The following TMOD1 variants were observed in gnomAD, a reference collection of about 807,000 sequenced individuals.
TMOD1 encodes tropomodulin-1.
TMOD1 carries 17 observed loss-of-function variants against 40.6 expected under a neutral mutation model. The ratio of observed to expected loss-of-function variants is 0.42; its 90% CI spans 0.29 to 0.63. TMOD1 has a LOEUF of 0.63. Ranked by LOEUF, TMOD1 falls within the 20% of genes least tolerant of loss-of-function variation. The pLI is 0.22. For missense variants in TMOD1, 391 were observed against 447.6 expected (o/e 0.87, Z 1.14); for synonymous variants, 181 against 175.0 (o/e 1.03, Z -0.27).
intron 1 of TMOD1, 32 bp from the exon 2 acceptor site, chr9:97,524,109 G>A (rs1028851121): frequency 3.2e-5 from 48 of 1,505,172 alleles, no homozygotes; most frequent in East Asian, 4.6e-5. Flanking sequence ...AATCTGAGAC[G>A]GGTCTTTCTA....
At chr9:97,597,390 C>T (rs1184276444) in intron 9 of TMOD1, among the ~76,000 whole-genome samples, 1 of 152,140 alleles carries the variant, frequency 6.6e-6, no homozygotes, top group Non-Finnish European at 1.5e-5. Context: ...TCTCTCCATC[C>T]AGTCCCTGAA....
chr9:97,557,470 T>G lies in TMOD1; in HGVS notation c.397+4070T>G, dbSNP rs61369875. Among the ~76,000 whole-genome samples, 1 of 152,306 alleles carries G rather than the reference T, an allele frequency of 6.6e-6. No homozygotes were observed. Among genetic ancestry groups the G allele is most frequent in the African/African-American group, 2.4e-5 (1 of 41,576 alleles). On this transcript the variant is annotated intron_variant, in intron 4 of 9. Transcript: ENST00000259365. This position sits in a 1 kb window ranked among gnomAD's most constrained non-coding sequence, Gnocchi z 4.4. ...CGGGCCACTCACCCCCAAGGGCAGTTGGCAACCTGGGGGTCTTGCAGCTAT... is the reference window on the plus strand; with the variant it reads ...CGGGCCACTCACCCCCAAGGGCAGTGGGCAACCTGGGGGTCTTGCAGCTAT...
intron 8 of TMOD1, among the ~76,000 whole-genome samples, chr9:97,586,777 G>A (rs1317404076): frequency 3.3e-5 from 5 of 151,476 alleles, no homozygotes; most frequent in South Asian, 2.1e-4. Context: ...TCCAGGTGCC[G>A]TCCGTCACCC....
Position 97,513,013 on chromosome 9 carries a change from G to C in TMOD1, c.-48-11128G>C. Reference sequence around the variant, plus strand: ...GAGTGTGGCCCAGAGTTGAGCTCCAGCATAAAACCAAGCAAGACTGTCATT... The same window carrying C: ...GAGTGTGGCCCAGAGTTGAGCTCCACCATAAAACCAAGCAAGACTGTCATT... On this transcript the variant is annotated intron_variant, in intron 1 of 9. Transcript: ENST00000259365. This position sits in a 1 kb window ranked among gnomAD's most constrained non-coding sequence, Gnocchi z 4.1. The C allele has an allele frequency of 6.6e-6, 1 of 152,180 alleles. No homozygotes were observed. Among genetic ancestry groups the C allele is most frequent in the East Asian group, 1.9e-4 (1 of 5,198 alleles). 9.4% of individuals were successfully genotyped at this position (152,180 alleles called of 1,614,324 possible).
intron 8 of TMOD1, 80 bp downstream of exon 8, chr9:97,569,117 G>T (rs1439339269): frequency 8.3e-6 from 13 of 1,559,334 alleles, no homozygotes; most frequent in African/African-American, 1.4e-5. Context: ...CTGCTGGATG[G>T]AGCTGAGAAT....
intron 1 of TMOD1, among the ~76,000 whole-genome samples, chr9:97,518,181 T>C (rs1829853576): frequency 6.6e-6 from 1 of 152,176 alleles, no homozygotes; most frequent in Admixed American, 6.5e-5. Flanking sequence ...GACCTGTGAA[T>C]GTGATAAGGT....
At chr9:97,545,892 C>CACCT (rs2131246606) in intron 2 of TMOD1, among the ~76,000 whole-genome samples, 1 of 152,326 alleles carries the variant, frequency 6.6e-6, no homozygotes, top group Admixed American at 6.5e-5. Flanking sequence ...CTTGACCCCT[C>CACCT]ACCTCCTCTC....
Position 97,513,859 on chromosome 9 carries a change from G to A in TMOD1, c.-48-10282G>A, listed in dbSNP as rs1367529273. 1 of 152,154 alleles carries A rather than the reference G, an allele frequency of 6.6e-6. No homozygotes were observed. Among genetic ancestry groups the A allele is most frequent in the Non-Finnish European group, 1.5e-5 (1 of 68,036 alleles). The allele number at this position is 152,154 out of a possible 1,614,324, so 9.4% of individuals were successfully genotyped here. A position where few individuals can be genotyped will look rare whatever the true frequency, so the allele number is the denominator to read the frequency against. On this transcript the variant is annotated intron_variant, in intron 1 of 9. Transcript: ENST00000259365. This position sits in a 1 kb window ranked among gnomAD's most constrained non-coding sequence, Gnocchi z 4.1. ...GTGGCCCTAGTGTCCTCGAGACCCC[G>A]GGACTAGAAATTTCAATGGATTGGA...
intron 2 of TMOD1, among the ~76,000 whole-genome samples, chr9:97,536,212 C>G (rs1830181815): frequency 6.6e-6 from 1 of 152,114 alleles, no homozygotes; most frequent in South Asian, 2.1e-4. Context: ...GAGAAACCGA[C>G]CTGGCAGATA....
Position 97,601,648 on chromosome 9 carries a change from C to A in TMOD1, c.*1950C>A. The A allele has an allele frequency of 1.1e-6, 1 of 895,022 alleles. No individual in the cohort carries two copies. Among genetic ancestry groups the A allele is most frequent in the Non-Finnish European group, 1.3e-6 (1 of 746,636 alleles). 55.4% of individuals were successfully genotyped at this position (895,022 alleles called of 1,614,324 possible). ...CAGTAAAAATTTCCGATTTTGCAGG[C>A]CACATAGTGTCTGTTGCAACTATTC... On this transcript the variant is annotated 3_prime_UTR_variant, in exon 10 of 10. Coordinates refer to ENST00000259365, the MANE Select transcript of TMOD1 (RefSeq NM_003275.4).
chr9:97,511,333 C>A (rs1464560795), intron 1 of TMOD1, among the ~76,000 whole-genome samples: 2 of 152,172 alleles, frequency 1.3e-5, no homozygotes, highest in Non-Finnish European at 2.9e-5. Context: ...AGTCTGTTAA[C>A]AATAGCTGGT....
intron 4 of TMOD1, among the ~76,000 whole-genome samples, chr9:97,561,381 C>T (rs1174728845): frequency 6.6e-6 from 1 of 152,176 alleles, no homozygotes; most frequent in African/African-American, 2.4e-5. Flanking sequence ...TGGTTCTCAA[C>T]CTTGGCTGCT....
At chr9:97,597,248 GACCCAGCTTT>G (rs1377671595) in intron 9 of TMOD1, among the ~76,000 whole-genome samples, 1 of 152,242 alleles carries the variant, frequency 6.6e-6, no homozygotes, top group Non-Finnish European at 1.5e-5. Flanking sequence ...GATATTGGGA[GACCCAGCTTT>G]TACTCCCAGT....
chr9:97,569,178 A>C, intron 8 of TMOD1, 141 bp downstream of exon 8: 3 of 1,025,218 alleles, frequency 2.9e-6, no homozygotes, highest in Non-Finnish European at 2.8e-6. Context: ...CAAGGTCCCT[A>C]AAGTTCACAC....
chr9:97,519,951 C>T (rs911852997), intron 1 of TMOD1, among the ~76,000 whole-genome samples: 5 of 152,068 alleles, frequency 3.3e-5, no homozygotes, highest in East Asian at 3.9e-4. Flanking sequence ...CAATACCTTA[C>T]GGGGGCGAGT....
intron 1 of TMOD1, chr9:97,516,939 A>G (rs976557553): frequency 2.6e-5 from 4 of 152,234 alleles, no homozygotes; most frequent in Non-Finnish European, 4.4e-5. Context: ...AATGTACTTA[A>G]TGCCGCAGAA....
At chr9:97,503,080 G>A (rs1285064800) in intron 1 of TMOD1, among the ~76,000 whole-genome samples, 2 of 152,116 alleles carry the variant, frequency 1.3e-5, no homozygotes, top group Non-Finnish European at 2.9e-5. Context: ...CAGGTGCTGG[G>A]CCCTCAGCGT....
intron 9 of TMOD1, among the ~76,000 whole-genome samples, chr9:97,598,741 C>G (rs1238362450): frequency 1.3e-5 from 2 of 152,160 alleles, no homozygotes; most frequent in East Asian, 3.9e-4. Flanking sequence ...AGCTCGTATT[C>G]ATCGATCTGG....
At chr9:97,563,088 CT>C (rs1830665419) in intron 5 of TMOD1, among the ~76,000 whole-genome samples, 1 of 152,174 alleles carries the variant, frequency 6.6e-6, no homozygotes, top group African/African-American at 2.4e-5. Context: ...GGGTCTTGCT[CT>C]GTCAGCCAGG....
Sources: allele counts gnomAD v4.1 joint callset (sites outside exome capture counted in the v4.1 genomes callset), GRCh38; gene constraint gnomAD v4.1.1; non-coding constraint Gnocchi (gnomAD v3.1); transcripts MANE v1.5; gene names NCBI Gene and HGNC (gene_info 2026-07-23, HGNC 2026-07-21).